The following F13A1 variants were observed in gnomAD, a reference collection of about 807,000 sequenced individuals.
The protein encoded by F13A1 is coagulation factor XIII A chain.
Under a neutral mutation model 80.1 loss-of-function variants are expected in F13A1, and 47 were observed. That is an observed-to-expected ratio of 0.59 (90% confidence interval 0.46 to 0.75). The LOEUF (loss-of-function observed/expected upper bound fraction) is 0.75, where lower values mean the gene tolerates loss of function less well. Ranked by LOEUF, F13A1 falls within the 30% of genes least tolerant of loss-of-function variation. F13A1 has a pLI of 0.00. For missense variants in F13A1, 817 were observed against 930.4 expected (o/e 0.88, Z 1.59); for synonymous variants, 349 against 344.9 (o/e 1.01, Z -0.13).
chr6:6,230,192 G>T (rs1757330655), intron 6 of F13A1, among the ~76,000 whole-genome samples: 1 of 152,054 alleles, frequency 6.6e-6, no homozygotes, highest in Non-Finnish European at 1.5e-5. Flanking sequence ...GGGTAGACCG[G>T]GTCAGGTTTT....
chr6:6,289,250 C>T (rs1327319961), intron 3 of F13A1, among the ~76,000 whole-genome samples: 2 of 152,082 alleles, frequency 1.3e-5, no homozygotes, highest in South Asian at 2.1e-4. Flanking sequence ...CTGGGCACTG[C>T]CTTGAGTCCA....
intron 12 of F13A1, 145 bp from the exon 13 acceptor site, chr6:6,167,763 G>C (rs146018037): frequency 2.8e-5 from 23 of 824,268 alleles, no homozygotes; most frequent in Admixed American, 8.1e-5. Context: ...GGAACAAAGA[G>C]TCAATTGGGG....
intron 4 of F13A1, among the ~76,000 whole-genome samples, chr6:6,259,621 G>A (rs1408149024): frequency 1.3e-5 from 2 of 152,178 alleles, no homozygotes; most frequent in Non-Finnish European, 2.9e-5. Context: ...CTTTTCTCAA[G>A]ATGGTAAGGT....
chr6:6,306,113 C>T (rs1212770410), intron 2 of F13A1, among the ~76,000 whole-genome samples: 1 of 152,170 alleles, frequency 6.6e-6, no homozygotes, highest in Non-Finnish European at 1.5e-5. Flanking sequence ...GATCTCATCC[C>T]TCAAATGCAG....
In F13A1 at chr6:6,292,378, A is replaced by G. The variant is rs552158722; in HGVS notation, c.319+12973T>C. Among the ~76,000 whole-genome samples the G allele has an allele frequency of 2.1e-3, 313 of 152,242 alleles. 1 individual carries two copies. The highest frequency in any genetic ancestry group is 6.9e-3 in the African/African-American group (287 of 41,554). Reference sequence around the variant, plus strand: ...GACCCTCCTCCCTTCCACCCCTCACAGACTCCCCAACACAAGTCCTGCAGA... The same window carrying G: ...GACCCTCCTCCCTTCCACCCCTCACGGACTCCCCAACACAAGTCCTGCAGA... On this transcript the variant is annotated intron_variant, in intron 3 of 14. Transcript: ENST00000264870.
chr6:6,249,484 T>C (rs530342134), intron 5 of F13A1, among the ~76,000 whole-genome samples: 1 of 152,302 alleles, frequency 6.6e-6, no homozygotes, highest in South Asian at 2.1e-4. Flanking sequence ...GGCTGGTTAT[T>C]CTGGCCAAAG....
chr6:6,154,752 A>G (rs1292648405), intron 13 of F13A1, among the ~76,000 whole-genome samples: 2 of 152,268 alleles, frequency 1.3e-5, no homozygotes, highest in African/African-American at 4.8e-5. Context: ...AAGTGTGTCC[A>G]ATATATTTTT....
chr6:6,267,798 G>C (rs866825591), intron 3 of F13A1, among the ~76,000 whole-genome samples: 1 of 152,146 alleles, frequency 6.6e-6, no homozygotes, highest in Non-Finnish European at 1.5e-5. Flanking sequence ...ATGCACTTTG[G>C]GGAATAGCAA....
At chr6:6,159,598 T>G (rs1408814780) in intron 13 of F13A1, among the ~76,000 whole-genome samples, 1 of 152,132 alleles carries the variant, frequency 6.6e-6, no homozygotes, top group African/African-American at 2.4e-5. Flanking sequence ...GTCCCCTCAC[T>G]GTCTCCTTCC....
intron 6 of F13A1, among the ~76,000 whole-genome samples, chr6:6,234,887 A>G (rs773541620): frequency 6.6e-6 from 1 of 152,046 alleles, no homozygotes; most frequent in South Asian, 2.1e-4. Flanking sequence ...TTTGGGTACA[A>G]TTACATGTAA....
chr6:6,310,581 G>GT (rs1324894979), intron 2 of F13A1, among the ~76,000 whole-genome samples: 1 of 152,134 alleles, frequency 6.6e-6, no homozygotes, highest in Non-Finnish European at 1.5e-5. Context: ...GAGCTAGGCT[G>GT]CCTGAACCCA....
chr6:6,212,577 G>GA (rs1179332106), intron 8 of F13A1, among the ~76,000 whole-genome samples: 11 of 152,240 alleles, frequency 7.2e-5, no homozygotes, highest in African/African-American at 2.2e-4. Context: ...CAAAGATGGG[G>GA]AAAAAACAGA....
At chr6:6,233,755 C>A (rs1757381476) in intron 6 of F13A1, among the ~76,000 whole-genome samples, 1 of 152,134 alleles carries the variant, frequency 6.6e-6, no homozygotes, top group Non-Finnish European at 1.5e-5. Context: ...CCGCCATGAT[C>A]AAGTGGGTTT....
chr6:6,242,866 C>A (rs1384873913), intron 6 of F13A1, among the ~76,000 whole-genome samples: 2 of 152,136 alleles, frequency 1.3e-5, no homozygotes, highest in Non-Finnish European at 1.5e-5. Context: ...TCCTGGGAAA[C>A]CTTTGAGCTA....
intron 3 of F13A1, among the ~76,000 whole-genome samples, chr6:6,273,266 T>C (rs141751221): frequency 6.6e-6 from 1 of 152,300 alleles, no homozygotes; most frequent in African/African-American, 2.4e-5. Context: ...TCCCATAGAA[T>C]GTCACAGTGT....
chr6:6,255,959 T>G (rs1399673658), intron 4 of F13A1, among the ~76,000 whole-genome samples: 1 of 152,114 alleles, frequency 6.6e-6, no homozygotes, highest in African/African-American at 2.4e-5. Flanking sequence ...CGATGGAAAC[T>G]CCAAAAAAAC....
chr6:6,157,304 A>G (rs147461049), intron 13 of F13A1, among the ~76,000 whole-genome samples: 36 of 152,328 alleles, frequency 2.4e-4, no homozygotes, highest in African/African-American at 8.7e-4. Flanking sequence ...TTAGAAGATA[A>G]ATAAAAAGCC....
chr6:6,165,909 G>A (rs371334278), intron 13 of F13A1, among the ~76,000 whole-genome samples: 10 of 152,356 alleles, frequency 6.6e-5, no homozygotes, highest in African/African-American at 1.4e-4. Context: ...TGACAGAGGC[G>A]AAGGAAACAA....
At chr6:6,235,076 G>A (rs1757397540) in intron 6 of F13A1, among the ~76,000 whole-genome samples, 1 of 151,922 alleles carries the variant, frequency 6.6e-6, no homozygotes, top group Non-Finnish European at 1.5e-5. Flanking sequence ...GCATCAATTG[G>A]ATATTCATAT....
Sources: gnomAD v4.1 joint callset for allele counts (sites outside exome capture counted in the v4.1 genomes callset) on GRCh38, gnomAD v4.1.1 for gene constraint, MANE v1.5 for transcripts, NCBI Gene and HGNC (gene_info 2026-07-23, HGNC 2026-07-21) for gene names.